DOCK4: variants seen among roughly 807,000 people sequenced by gnomAD.
The protein encoded by DOCK4 is dedicator of cytokinesis protein 4.
A neutral mutation model predicts 268.1 loss-of-function variants in DOCK4; 97 were observed. The observed-to-expected ratio is 0.36, with a 90% CI of 0.31 to 0.43. DOCK4 has a LOEUF of 0.43. Ranked by LOEUF, DOCK4 falls within the 20% of genes least tolerant of loss-of-function variation. The pLI is 1.00. For synonymous variants in DOCK4, 954 were observed against 887.2 expected (o/e 1.08, Z -1.34); for missense variants, 2,145 against 2,455.7 (o/e 0.87, Z 2.67).
chr7:112,119,880 C>G (rs1290968771), intron 1 of DOCK4, among the ~76,000 whole-genome samples: 1 of 150,668 alleles, frequency 6.6e-6, no homozygotes, highest in Non-Finnish European at 1.5e-5. Context: ...TGGAGTCTCA[C>G]TCTGTCACCC....
chr7:111,936,882 A>C (rs1231442083), intron 11 of DOCK4, among the ~76,000 whole-genome samples: 1 of 152,154 alleles, frequency 6.6e-6, no homozygotes, highest in Non-Finnish European at 1.5e-5. Context: ...GCCAATTAAC[A>C]GTGGGATATC....
At position 111,809,533 on chromosome 7, in the gene DOCK4, A is replaced by C; in HGVS notation, c.3007-132T>G. ...GAAGTAAGACTGACCATGAGTTGAT[A>C]ATAGTTGAAGCTGGATATGGGTACC... On this transcript the variant is annotated intron_variant, in intron 28 of 52. Coordinates refer to ENST00000428084, the MANE Select transcript of DOCK4 (RefSeq NM_001363540.2). 4 of 677,672 alleles carry C rather than the reference A, an allele frequency of 5.9e-6. No homozygotes were observed. In the South Asian group the frequency reaches 7.4e-5, roughly 13 times the overall value. The allele number at this position is 677,672 out of a possible 1,614,324, so 42.0% of individuals were successfully genotyped here.
At chr7:111,771,367 G>C (rs1798115085) in intron 36 of DOCK4, among the ~76,000 whole-genome samples, 1 of 152,236 alleles carries the variant, frequency 6.6e-6, no homozygotes, top group Non-Finnish European at 1.5e-5. Context: ...TTGTGGTCCA[G>C]AGGCAGCTGG....
chr7:111,920,293 A>T (rs1792996375), intron 12 of DOCK4, among the ~76,000 whole-genome samples: 1 of 152,216 alleles, frequency 6.6e-6, no homozygotes, highest in Non-Finnish European at 1.5e-5. Flanking sequence ...GGATTTTAAA[A>T]TGTTCTCACT....
At chr7:111,977,032 A>C in intron 8 of DOCK4, 100 bp downstream of exon 8, 1 of 1,346,918 alleles carries the variant, frequency 7.4e-7, no homozygotes, top group Non-Finnish European at 9.9e-7. Flanking sequence ...AAGCTGACGG[A>C]GTAAAAAATA....
intron 30 of DOCK4, among the ~76,000 whole-genome samples, chr7:111,792,005 G>C (rs1365317324): frequency 6.6e-6 from 1 of 152,226 alleles, no homozygotes; most frequent in East Asian, 1.9e-4. Flanking sequence ...GTTTTACCAA[G>C]TGCTAAAAGG....
At chr7:112,189,859 G>A (rs2116778922) in intron 1 of DOCK4, among the ~76,000 whole-genome samples, 1 of 150,656 alleles carries the variant, frequency 6.6e-6, no homozygotes, top group East Asian at 2.0e-4. Flanking sequence ...TGGGATTACG[G>A]GCATGAGTCA....
At chr7:112,005,417 A>G (rs1172842962) in intron 1 of DOCK4, among the ~76,000 whole-genome samples, 1 of 152,232 alleles carries the variant, frequency 6.6e-6, no homozygotes, top group South Asian at 2.1e-4. Context: ...CAAACTAACT[A>G]TATGGATAGA....
rs761635800 is a variant in DOCK4 at position 111,998,520 on chromosome 7, G to T, written c.163-17C>A. 1 of 1,572,464 alleles carries T rather than the reference G, an allele frequency of 6.4e-7. No homozygotes were observed. Among genetic ancestry groups the T allele is most frequent in the East Asian group, 2.3e-5 (1 of 43,858 alleles). On this transcript the variant is annotated splice_polypyrimidine_tract_variant and intron_variant, in intron 3 of 52. Coordinates refer to ENST00000428084, the MANE Select transcript of DOCK4 (RefSeq NM_001363540.2). The stretch of plus-strand genomic sequence containing the variant: ...AAATATACCCTGGAAAAGAAAACAT[G>T]AAGGTTACGATGCCGGCTGTTAAGG...
chr7:111,838,292 C>T (rs1328977726), intron 25 of DOCK4, among the ~76,000 whole-genome samples: 1 of 152,018 alleles, frequency 6.6e-6, no homozygotes, highest in African/African-American at 2.4e-5. Flanking sequence ...AAGACTTACA[C>T]TTACTGACTT....
chr7:112,033,218 A>G (rs1226260377), intron 1 of DOCK4, among the ~76,000 whole-genome samples: 1 of 152,196 alleles, frequency 6.6e-6, no homozygotes, highest in African/African-American at 2.4e-5. Context: ...TCATTGTTCT[A>G]GAGTAGAAAA....
At chr7:112,150,832 A>G (rs1815989051) in intron 1 of DOCK4, among the ~76,000 whole-genome samples, 1 of 152,090 alleles carries the variant, frequency 6.6e-6, no homozygotes, top group South Asian at 2.1e-4. Context: ...ACCATTTCCT[A>G]CCCACATTCT....
At chr7:112,020,062 G>A (rs1285540709) in intron 1 of DOCK4, among the ~76,000 whole-genome samples, 1 of 152,200 alleles carries the variant, frequency 6.6e-6, no homozygotes, top group Admixed American at 6.5e-5. Context: ...GAAGCTGTGT[G>A]ACAGATATAT....
At position 112,068,297 on chromosome 7, in the gene DOCK4, T is replaced by C. The variant is rs529180822; in HGVS notation, c.38-64166A>G. ...TTGGTTCCTTGAAAAGATAAAACAA[T>C]GTTAGAGCACCCTGTAATGATCTTG... On this transcript the variant is annotated intron_variant, in intron 1 of 52. Coordinates refer to ENST00000428084, the MANE Select transcript of DOCK4 (RefSeq NM_001363540.2). Among the ~76,000 whole-genome samples the C allele has an allele frequency of 2.5e-4, 38 of 152,242 alleles. No individual in the cohort carries two copies. The South Asian group carries it at 7.9e-3, about 32-fold the overall frequency.
chr7:112,059,134 C>CTTTTTTTT (rs572050793), intron 1 of DOCK4, among the ~76,000 whole-genome samples: 31 of 99,000 alleles, frequency 3.1e-4, no homozygotes, highest in African/African-American at 1.0e-3. Flanking sequence ...GCAGCATTTC[C>CTTTTTTTT]TTTTTTTTTT....
At chr7:112,079,187 T>G (rs1363883474) in intron 1 of DOCK4, among the ~76,000 whole-genome samples, 7 of 151,958 alleles carry the variant, frequency 4.6e-5, no homozygotes, top group Non-Finnish European at 8.8e-5. Flanking sequence ...TAAGGTAAAA[T>G]GAGACAATTT....
chr7:112,148,867 G>A (rs1224692099), intron 1 of DOCK4, among the ~76,000 whole-genome samples: 3 of 152,022 alleles, frequency 2.0e-5, no homozygotes, highest in African/African-American at 7.3e-5. Context: ...CAGTGAGAAG[G>A]GAACACACAA....
At chr7:112,202,779 G>T (rs1007670642) in intron 1 of DOCK4, among the ~76,000 whole-genome samples, 3 of 150,952 alleles carry the variant, frequency 2.0e-5, no homozygotes, top group African/African-American at 7.3e-5. Flanking sequence ...AAAAAAAAAT[G>T]AAAACTTAAA....
chr7:112,071,479 A>G (rs904940596), intron 1 of DOCK4, among the ~76,000 whole-genome samples: 1 of 152,136 alleles, frequency 6.6e-6, no homozygotes, highest in African/African-American at 2.4e-5. Flanking sequence ...AGTTTAACAG[A>G]CCCTACCTGA....
Sources: gnomAD v4.1 joint callset for allele counts (sites outside exome capture counted in the v4.1 genomes callset) on GRCh38, gnomAD v4.1.1 for gene constraint, MANE v1.5 for transcripts, NCBI Gene and HGNC (gene_info 2026-07-23, HGNC 2026-07-21) for gene names.